SH3PXD2A: variants seen among roughly 807,000 people sequenced by gnomAD.
SH3PXD2A encodes SH3 and PX domain-containing protein 2A.
Under a neutral mutation model 115.2 loss-of-function variants are expected in SH3PXD2A, and 32 were observed. The ratio of observed to expected loss-of-function variants is 0.28; its 90% CI spans 0.21 to 0.37. SH3PXD2A has a LOEUF of 0.37. Among genes scored for constraint, SH3PXD2A ranks in the 10% least tolerant of loss-of-function variants. SH3PXD2A has a pLI of 1.00. For synonymous variants in SH3PXD2A, 610 were observed against 629.1 expected (o/e 0.97, Z 0.45); for missense variants, 1,328 against 1,498.7 (o/e 0.89, Z 1.88).
At position 103,661,941 on chromosome 10, in the gene SH3PXD2A, C is replaced by G. The variant is rs1429792932; in HGVS notation, c.473-827G>C. On this transcript the variant is annotated intron_variant, in intron 7 of 14. Transcript: ENST00000369774. Reference sequence around the variant, plus strand: ...AACTTTTCCTCAAGTTCGCTCCGTTCCTGCCCCTCGGGCTCACCCAGGCGC... The same window carrying G: ...AACTTTTCCTCAAGTTCGCTCCGTTGCTGCCCCTCGGGCTCACCCAGGCGC... The G allele has an allele frequency of 7.1e-6, 7 of 985,250 alleles. No individual in the cohort carries two copies. The East Asian group carries it at 6.8e-4, about 96-fold the overall frequency. The allele number at this position is 985,250 out of a possible 1,614,324, so 61.0% of individuals were successfully genotyped here.
chr10:103,791,558 G>A (rs910199131), intron 2 of SH3PXD2A, among the ~76,000 whole-genome samples: 3 of 152,080 alleles, frequency 2.0e-5, no homozygotes, highest in African/African-American at 7.2e-5. Flanking sequence ...GCCCCGAGGC[G>A]GTGATTCTCA....
intron 2 of SH3PXD2A, among the ~76,000 whole-genome samples, chr10:103,768,220 T>C (rs1023758608): frequency 5.3e-5 from 8 of 152,196 alleles, no homozygotes; most frequent in African/African-American, 1.9e-4. Flanking sequence ...AGTAAGAATG[T>C]CATGTGCCAG....
intron 1 of SH3PXD2A, among the ~76,000 whole-genome samples, chr10:103,848,214 CCTCCT>C: frequency 1.9e-4 from 1 of 5,190 alleles, no homozygotes; most frequent in Non-Finnish European, 3.1e-3. Context: ...TCCCTCTCCT[CCTCCT>C]CCTCCTCCTC....
rs1822110361 is a variant in SH3PXD2A, at chr10:103,665,471, C to T, written c.472+3137G>A. 6.6e-6 allele frequency among the ~76,000 whole-genome samples: 1 copy of T among 152,192 alleles called. No homozygotes were observed. The highest frequency in any genetic ancestry group is 1.5e-5 in the Non-Finnish European group (1 of 68,030). ...GAAATATTCTCTAGGCATTGGAAAG[C>T]ACAGACAGGCTATGGCCTCTCTCAG... On this transcript the variant is annotated intron_variant, in intron 7 of 14. Coordinates refer to ENST00000369774, the MANE Select transcript of SH3PXD2A (RefSeq NM_001394015.1). This position sits in a 1 kb window ranked among gnomAD's most constrained non-coding sequence, Gnocchi z 4.0.
intron 2 of SH3PXD2A, among the ~76,000 whole-genome samples, chr10:103,769,689 C>A (rs1159052570): frequency 6.6e-6 from 1 of 152,054 alleles, no homozygotes; most frequent in Non-Finnish European, 1.5e-5. Context: ...GCCTCAGGCT[C>A]CCAAAGTGCT....
intron 5 of SH3PXD2A, among the ~76,000 whole-genome samples, chr10:103,717,639 A>T (rs547900141): frequency 1.3e-5 from 2 of 152,336 alleles, no homozygotes; most frequent in Admixed American, 6.5e-5. Flanking sequence ...GAATCTACAG[A>T]CAGAGTTCCT....
chr10:103,731,382 A>G (rs1276477954), intron 4 of SH3PXD2A, among the ~76,000 whole-genome samples: 1 of 152,036 alleles, frequency 6.6e-6, no homozygotes, highest in Admixed American at 6.5e-5. Context: ...GCTGGTCTCA[A>G]ACCCCTGGGC....
chr10:103,734,497 C>T, intron 4 of SH3PXD2A, among the ~76,000 whole-genome samples: 1 of 152,176 alleles, frequency 6.6e-6, no homozygotes. Flanking sequence ...GCCTGTAATC[C>T]CAGCACTTTG....
Position 103,700,660 on chromosome 10 carries a change from C to G in SH3PXD2A, c.399-7604G>C, listed in dbSNP as rs188942391. Among the ~76,000 whole-genome samples the G allele has an allele frequency of 4.0e-3, 604 of 152,304 alleles. 4 individuals are homozygous for G. The highest frequency in any genetic ancestry group is 7.9e-3 in the South Asian group (38 of 4,828). On this transcript the variant is annotated intron_variant, in intron 5 of 14. Transcript: ENST00000369774. ...GATGGCAGGAATACACAGTTGATTT[C>G]TTAGAGGGCAAAATGGGGCAGGGGA...
At chr10:103,739,879 C>T (rs535589301) in intron 3 of SH3PXD2A, among the ~76,000 whole-genome samples, 50 of 152,286 alleles carry the variant, frequency 3.3e-4, no homozygotes, top group African/African-American at 1.1e-3. Flanking sequence ...GTGAGACCAG[C>T]GAAGGAGTGG....
At chr10:103,616,953 G>A (rs565558247) in intron 11 of SH3PXD2A, among the ~76,000 whole-genome samples, 22 of 152,410 alleles carry the variant, frequency 1.4e-4, no homozygotes, top group African/African-American at 4.8e-4. Flanking sequence ...AAGCTGACCC[G>A]GGGCCTCTGT....
intron 2 of SH3PXD2A, among the ~76,000 whole-genome samples, chr10:103,772,445 C>T (rs573614123): frequency 1.8e-4 from 28 of 152,338 alleles, no homozygotes; most frequent in African/African-American, 5.8e-4. Context: ...GAAGCAGATT[C>T]TCCTGTCACT....
chr10:103,654,816 A>G (rs897712987), intron 8 of SH3PXD2A, among the ~76,000 whole-genome samples: 18 of 151,992 alleles, frequency 1.2e-4, no homozygotes, highest in Non-Finnish European at 2.2e-4. Context: ...GACCCAAGAA[A>G]CTTCCCCAGG....
chr10:103,821,330 T>C (rs2039377802), intron 1 of SH3PXD2A, among the ~76,000 whole-genome samples: 1 of 152,074 alleles, frequency 6.6e-6, no homozygotes, highest in Non-Finnish European at 1.5e-5. Flanking sequence ...GGTTTCACCA[T>C]GTCAGCCAGG....
intron 3 of SH3PXD2A, chr10:103,753,992 G>C (rs2038610021): frequency 6.6e-6 from 1 of 152,110 alleles, no homozygotes; most frequent in Non-Finnish European, 1.5e-5. Flanking sequence ...CTATTAAACT[G>C]GTTAATTCGT....
At chr10:103,608,329 C>G (rs1182160830) in intron 13 of SH3PXD2A, among the ~76,000 whole-genome samples, 1 of 149,448 alleles carries the variant, frequency 6.7e-6, no homozygotes, top group East Asian at 2.0e-4. Flanking sequence ...GATCTCCTCG[C>G]CCCTAGAACT....
At chr10:103,723,690 C>T (rs1333870639) in intron 5 of SH3PXD2A, among the ~76,000 whole-genome samples, 2 of 152,204 alleles carry the variant, frequency 1.3e-5, no homozygotes, top group Admixed American at 1.3e-4. Context: ...GGAAAAGCAC[C>T]TGACCTCACC....
At chr10:103,716,403 A>T (rs930838748) in intron 5 of SH3PXD2A, among the ~76,000 whole-genome samples, 10 of 152,172 alleles carry the variant, frequency 6.6e-5, no homozygotes, top group African/African-American at 2.4e-4. Flanking sequence ...CCCTCGGAAC[A>T]TTGGGGCATT....
At chr10:103,827,658 T>A (rs140068744) in intron 1 of SH3PXD2A, among the ~76,000 whole-genome samples, 14 of 152,292 alleles carry the variant, frequency 9.2e-5, no homozygotes, top group Middle Eastern at 3.4e-3. Context: ...AGACATCCCA[T>A]GCGGTTTGTG....
Sources: allele counts gnomAD v4.1 joint callset (sites outside exome capture counted in the v4.1 genomes callset), GRCh38; gene constraint gnomAD v4.1.1; non-coding constraint Gnocchi (gnomAD v3.1); transcripts MANE v1.5; gene names NCBI Gene and HGNC (gene_info 2026-07-23, HGNC 2026-07-21).